MYPN: variants seen among roughly 807,000 people sequenced by gnomAD.
The protein encoded by MYPN is sarcomeric protein myopalladin, 145 kDa (MYOP).
In MYPN, 63 loss-of-function variants were observed where a neutral mutation model predicts 129.4. That is an observed-to-expected ratio of 0.49 (90% CI 0.40 to 0.60). The LOEUF is 0.60. Ranked by LOEUF, MYPN falls within the 20% of genes least tolerant of loss-of-function variation. The pLI is 0.00. For missense variants in MYPN, 1,596 were observed against 1,635.4 expected (o/e 0.98, Z 0.42); for synonymous variants, 629 against 600.9 (o/e 1.05, Z -0.68).
In MYPN at chr10:68,122,292, G is replaced by C; in HGVS notation, c.854G>C (p.Arg285Pro). 1 of 1,614,012 alleles carries C rather than the reference G, an allele frequency of 6.2e-7. No homozygotes were observed. The highest frequency in any genetic ancestry group is 2.2e-5 in the East Asian group (1 of 44,876). The change falls in exon 2 of 20, where the codon CGA becomes CCA. Residue 285 changes from arginine (R) to proline (P), a missense_variant. Physicochemically the swap from Arg to Pro is moderately radical, Grantham distance 103. Transcript: ENST00000358913. The part of the protein sequence containing the change: ...LRSREVPEGT[R>P]VQLDCIVVGI... The stretch of plus-strand genomic sequence containing the variant: ...AGCAGAGAAGTTCCAGAAGGAACTC[G>C]AGTACAGTTGGATTGCATAGTGGTA...
intron 16 of MYPN, 81 bp from the exon 17 acceptor site, chr10:68,199,287 C>A: frequency 7.2e-7 from 1 of 1,390,862 alleles, no homozygotes; most frequent in African/African-American, 1.4e-5. Context: ...TGTTTGGTGC[C>A]AAGCAAGGAT....
intron 16 of MYPN, 86 bp downstream of exon 16, chr10:68,197,564 G>GTT: frequency 6.4e-7 from 1 of 1,571,372 alleles, no homozygotes. Context: ...TTGTTTTGTG[G>GTT]GTTTTTTTTT....
intron 10 of MYPN, among the ~76,000 whole-genome samples, chr10:68,171,640 G>A (rs1391610492): frequency 1.3e-5 from 2 of 152,150 alleles, no homozygotes; most frequent in African/African-American, 4.8e-5. Flanking sequence ...AAGCAGCAAG[G>A]TTCATTTGTC....
intron 12 of MYPN, among the ~76,000 whole-genome samples, chr10:68,179,508 G>A (rs543698587): frequency 6.6e-6 from 1 of 152,242 alleles, no homozygotes; most frequent in African/African-American, 2.4e-5. Context: ...TTCAGAAAAG[G>A]TAATAAAACT....
chr10:68,112,080 T>G (rs74659478), intron 1 of MYPN, among the ~76,000 whole-genome samples: 1 of 152,196 alleles, frequency 6.6e-6, no homozygotes, highest in Admixed American at 6.5e-5. Context: ...GGGATTTCCT[T>G]TATAACAGTT....
intron 7 of MYPN, among the ~76,000 whole-genome samples, chr10:68,160,429 CAAAAAAAAAA>C (rs56201900): frequency 3.2e-5 from 2 of 62,072 alleles, no homozygotes; most frequent in African/African-American, 7.7e-5. Flanking sequence ...GACCTTATCT[CAAAAAAAAAA>C]AAAAAAAAAA....
At chr10:68,159,406 A>G (rs1480436892) in intron 7 of MYPN, among the ~76,000 whole-genome samples, 5 of 152,218 alleles carry the variant, frequency 3.3e-5, no homozygotes, top group Admixed American at 3.3e-4. Context: ...TAGGCCAAAA[A>G]ATGGGAACAC....
At chr10:68,189,425 A>G (rs1296190968) in intron 13 of MYPN, among the ~76,000 whole-genome samples, 6 of 152,030 alleles carry the variant, frequency 3.9e-5, no homozygotes. Context: ...ATTAACTATA[A>G]TTTTTCCACT....
chr10:68,192,628 A>G (rs947239387), intron 13 of MYPN, among the ~76,000 whole-genome samples: 7 of 152,140 alleles, frequency 4.6e-5, no homozygotes, highest in Non-Finnish European at 1.0e-4. Flanking sequence ...TCAACAGTGA[A>G]TCCATTAGGC....
intron 12 of MYPN, among the ~76,000 whole-genome samples, chr10:68,176,371 C>T (rs1196663125): frequency 6.6e-6 from 1 of 152,140 alleles, no homozygotes; most frequent in Non-Finnish European, 1.5e-5. Flanking sequence ...AATAATCTAA[C>T]TCTTGGTTTA....
At chr10:68,151,680 A>G (rs1191426669) in intron 6 of MYPN, among the ~76,000 whole-genome samples, 2 of 152,186 alleles carry the variant, frequency 1.3e-5, no homozygotes, top group African/African-American at 4.8e-5. Flanking sequence ...CAGCTAAACC[A>G]CAAGATAGTT....
At chr10:68,182,455 ATATATAT>A (rs1247614394) in intron 12 of MYPN, among the ~76,000 whole-genome samples, 2 of 104,060 alleles carry the variant, frequency 1.9e-5, no homozygotes, top group Admixed American at 1.1e-4. Context: ...TATATAACAT[ATATATAT>A]AACATATATA....
chr10:68,170,517 T>G (rs1381359700), intron 10 of MYPN, among the ~76,000 whole-genome samples: 1 of 152,186 alleles, frequency 6.6e-6, no homozygotes, highest in Admixed American at 6.5e-5. Flanking sequence ...CTCACAACTT[T>G]GCATTAAAAT....
intron 10 of MYPN, among the ~76,000 whole-genome samples, chr10:68,171,146 C>CAAAAAAA (rs10656004): frequency 6.0e-5 from 8 of 132,808 alleles, no homozygotes; most frequent in Non-Finnish European, 1.1e-4. Context: ...AAGACTCTGT[C>CAAAAAAA]AAAAAAAAAA....
Position 68,199,517 on chromosome 10 carries a change from G to A in MYPN, c.3435G>A (p.Lys1145=). The A allele has an allele frequency of 6.2e-7, 1 of 1,614,144 alleles. No individual in the cohort carries two copies. Among genetic ancestry groups the A allele is most frequent in the Non-Finnish European group, 8.5e-7 (1 of 1,180,020 alleles). The change falls in exon 17 of 20, where the codon AAG becomes AAA. Residue 1145 remains lysine, a synonymous_variant. Transcript: ENST00000358913. ...PLTQRDAGTY[K]CIATNKTGQN... ...CTCAGCGCGACGCAGGGACCTATAA[G>A]TGCATCGCTACCAACAAAACCGGGC...
chr10:68,166,381 C>T lies in MYPN; in HGVS notation c.1688C>T (p.Pro563Leu), dbSNP rs899747855. 1.9e-6 allele frequency: 3 copies of T among 1,614,128 alleles called. No homozygotes were observed. The highest frequency in any genetic ancestry group is 1.1e-5 in the South Asian group (1 of 91,072). ...LAAIEPQPSPPHSEPPSVEQP... is the reference protein window; with the variant it reads ...LAAIEPQPSPLHSEPPSVEQP... ...GCTATTGAGCCACAGCCCTCCCCACCCCACTCAGAGCCTCCATCTGTGGAA... is the reference window on the plus strand; with the variant it reads ...GCTATTGAGCCACAGCCCTCCCCACTCCACTCAGAGCCTCCATCTGTGGAA... The change falls in exon 10 of 20, where the codon CCC becomes CTC. Residue 563 changes from proline (P) to leucine (L), a missense_variant. Pro to Leu is a moderately conservative substitution (Grantham distance 98). Coordinates refer to ENST00000358913, the MANE Select transcript of MYPN (RefSeq NM_032578.4).
At chr10:68,133,393 G>A (rs1230158248) in intron 2 of MYPN, among the ~76,000 whole-genome samples, 1 of 152,106 alleles carries the variant, frequency 6.6e-6, no homozygotes, top group African/African-American at 2.4e-5. Flanking sequence ...GTCAAGTTTT[G>A]TGGGTCCTGA....
intron 14 of MYPN, 81 bp downstream of exon 14, chr10:68,194,593 G>A: frequency 6.8e-7 from 1 of 1,477,614 alleles, no homozygotes; most frequent in Non-Finnish European, 9.3e-7. Flanking sequence ...CTTGAGAAGT[G>A]CGAGTTACTA....
chr10:68,107,992 CT>C (rs1397249842), upstream of MYPN, among the ~76,000 whole-genome samples: 1 of 152,142 alleles, frequency 6.6e-6, no homozygotes, highest in East Asian at 1.9e-4. Flanking sequence ...GGAAGATCCT[CT>C]TTTTAAATAA....
Sources: gnomAD v4.1 joint callset for allele counts (sites outside exome capture counted in the v4.1 genomes callset) on GRCh38, gnomAD v4.1.1 for gene constraint, MANE v1.5 for transcripts, NCBI Gene and HGNC (gene_info 2026-07-23, HGNC 2026-07-21) for gene names.